The following ASF1A variants were observed in gnomAD, a reference collection of about 807,000 sequenced individuals.
ASF1A encodes the protein anti-silencing function 1A histone chaperone.
ASF1A carries 5 observed loss-of-function variants against 22.0 expected under a neutral mutation model. The observed-to-expected ratio is 0.23, with a 90% CI of 0.12 to 0.48. ASF1A has a LOEUF of 0.48. ASF1A is among the 20% of genes least tolerant of loss of function. The pLI is 0.99. For synonymous variants in ASF1A, 97 were observed against 86.7 expected (o/e 1.12, Z -0.66); for missense variants, 137 against 240.6 (o/e 0.57, Z 2.85).
At position 118,897,841 on chromosome 6, in the gene ASF1A, C is replaced by A. The variant is rs189332710; in HGVS notation, c.110-2925C>A. Among the ~76,000 whole-genome samples, 1,145 of 150,908 alleles carry A rather than the reference C, an allele frequency of 7.6e-3. 8 individuals are homozygous for A. Among genetic ancestry groups the A allele is most frequent in the South Asian group, 0.028 (135 of 4,770 alleles). On this transcript the variant is annotated intron_variant, in intron 1 of 3. Transcript: ENST00000229595. ...AAAGCTGGGTTAAAAAAAAAAACAA[C>A]AAAAAAACTGATGCCAATGTATAAA...
intron 1 of ASF1A, among the ~76,000 whole-genome samples, chr6:118,897,992 T>C (rs1779550310): frequency 6.6e-6 from 1 of 152,226 alleles, no homozygotes; most frequent in African/African-American, 2.4e-5. Flanking sequence ...CCATCTCCTC[T>C]GCTCTCACTT....
intron 2 of ASF1A, 81 bp from the exon 3 acceptor site, chr6:118,905,571 T>A: frequency 8.8e-7 from 1 of 1,137,648 alleles, no homozygotes; most frequent in Non-Finnish European, 1.2e-6. Flanking sequence ...CTGATGGTTC[T>A]AGGTAACTGA....
rs1779174316 is a variant in ASF1A, at chr6:118,894,173, G to A, written c.-241G>A. 2.4e-6 allele frequency: 3 copies of A among 1,275,420 alleles called. No homozygotes were observed. The highest frequency in any genetic ancestry group is 6.6e-5 in the East Asian group (2 of 30,280). 79.0% of individuals were successfully genotyped at this position (1,275,420 alleles called of 1,614,324 possible). Reference sequence around the variant, plus strand: ...GGTCAGAACTCGGGTGCAGCCAATCGAGGGCAACGCTGCTACTTATCAGAG... The same window carrying A: ...GGTCAGAACTCGGGTGCAGCCAATCAAGGGCAACGCTGCTACTTATCAGAG... On this transcript the variant is annotated 5_prime_UTR_variant, in exon 1 of 4. Transcript: ENST00000229595.
Position 118,894,342 on chromosome 6 carries a change from G to A in ASF1A, c.-72G>A. On this transcript the variant is annotated 5_prime_UTR_variant, in exon 1 of 4. Coordinates refer to ENST00000229595, the MANE Select transcript of ASF1A (RefSeq NM_014034.3). ...CTGGAGCGGGGGTCTGCGCTCTCCC[G>A]AGCGGCCGCGCGCTGGACTTTATTG... 6.5e-7 allele frequency: 1 copy of A among 1,531,000 alleles called. No individual in the cohort carries two copies. Among genetic ancestry groups the A allele is most frequent in the Non-Finnish European group, 8.8e-7 (1 of 1,142,396 alleles). 94.8% of individuals were successfully genotyped at this position (1,531,000 alleles called of 1,614,324 possible). A position where few individuals can be genotyped will look rare whatever the true frequency, so the allele number is the denominator to read the frequency against.
In ASF1A at chr6:118,908,354, C is replaced by T. The variant is rs949616483; in HGVS notation, c.*740C>T. 3.9e-5 allele frequency: 6 copies of T among 151,976 alleles called. No homozygotes were observed. The highest frequency in any genetic ancestry group is 1.4e-4 in the African/African-American group (6 of 41,384). The allele number at this position is 151,976 out of a possible 1,614,324, so 9.4% of individuals were successfully genotyped here. A position where few individuals can be genotyped will look rare whatever the true frequency, so the allele number is the denominator to read the frequency against. On this transcript the variant is annotated 3_prime_UTR_variant, in exon 4 of 4. Coordinates refer to ENST00000229595, the MANE Select transcript of ASF1A (RefSeq NM_014034.3). Reference sequence around the variant, plus strand: ...GTGAATTCAAGACCAAATACAATATCGGGAGAAAATACAAACTCCCTGTGT... The same window carrying T: ...GTGAATTCAAGACCAAATACAATATTGGGAGAAAATACAAACTCCCTGTGT...
At position 118,902,316 on chromosome 6, in the gene ASF1A, TA is replaced by T. The variant is rs148488256; in HGVS notation, c.225+1439del. Among the ~76,000 whole-genome samples the T allele has an allele frequency of 6.5e-3, 993 of 152,258 alleles. 7 individuals carry two copies. Among genetic ancestry groups the T allele is most frequent in the African/African-American group, 0.022 (924 of 41,562 alleles). ...AAATGTGGATAATATTCTATCTCAT[TA>T]AAATGTTATGGGGAATAAAACAGTA... On this transcript the variant is annotated intron_variant, in intron 2 of 3. Coordinates refer to ENST00000229595, the MANE Select transcript of ASF1A (RefSeq NM_014034.3).
At chr6:118,894,870 C>T (rs1779251613) in intron 1 of ASF1A, among the ~76,000 whole-genome samples, 1 of 152,154 alleles carries the variant, frequency 6.6e-6, no homozygotes, top group Non-Finnish European at 1.5e-5. Context: ...CCAACAGCCT[C>T]CGCGACCCTC....
intron 1 of ASF1A, 150 bp downstream of exon 1, chr6:118,894,672 G>C (rs533485421): frequency 1.5e-6 from 1 of 682,886 alleles, no homozygotes; most frequent in Non-Finnish European, 2.4e-6. Context: ...GATGGACGAC[G>C]GCCGCCGAGG....
At position 118,894,494 on chromosome 6, in the gene ASF1A, C is replaced by T. The variant is rs1779204368; in HGVS notation, c.81C>T (p.Thr27=). 6.5e-7 allele frequency: 1 copy of T among 1,537,068 alleles called. No individual in the cohort carries two copies. Among genetic ancestry groups the T allele is most frequent in the South Asian group, 1.2e-5 (1 of 84,072 alleles). The change falls in exon 1 of 4, where the codon ACC becomes ACT. Residue 27 remains threonine (T), a synonymous_variant. Coordinates refer to ENST00000229595, the MANE Select transcript of ASF1A (RefSeq NM_014034.3). ...PFYNPFQFEI[T]FECIEDLSED... ...ACAACCCGTTCCAGTTCGAGATCAC[C>T]TTCGAGTGCATCGAGGACCTGTCTG...
chr6:118,895,968 ACAGTTCT>A (rs1779373888), intron 1 of ASF1A, among the ~76,000 whole-genome samples: 1 of 151,986 alleles, frequency 6.6e-6, no homozygotes, highest in South Asian at 2.1e-4. Flanking sequence ...TATAAAGTTA[ACAGTTCT>A]CTGTACTCAG....
chr6:118,900,993 C>T, intron 2 of ASF1A, 112 bp downstream of exon 2: 1 of 729,194 alleles, frequency 1.4e-6, no homozygotes, highest in Non-Finnish European at 2.4e-6. Context: ...ACTGCTTCTG[C>T]TGCATTCACT....
chr6:118,899,929 C>A (rs528657122), intron 1 of ASF1A, among the ~76,000 whole-genome samples: 62 of 152,340 alleles, frequency 4.1e-4, no homozygotes, highest in African/African-American at 1.5e-3. Context: ...ACAAAGTTAT[C>A]TTCTTCCTCA....
intron 1 of ASF1A, among the ~76,000 whole-genome samples, chr6:118,899,819 T>C (rs992274961): frequency 6.6e-6 from 1 of 152,216 alleles, no homozygotes; most frequent in Non-Finnish European, 1.5e-5. Context: ...ACTCACCCTT[T>C]GGGAGTGCTT....
chr6:118,904,423 G>A (rs577348531), intron 2 of ASF1A, among the ~76,000 whole-genome samples: 1 of 152,298 alleles, frequency 6.6e-6, no homozygotes, highest in South Asian at 2.1e-4. Context: ...ATTCCTTGGT[G>A]CCCTGGCAAC....
chr6:118,901,730 TA>T (rs2114525537), intron 2 of ASF1A, among the ~76,000 whole-genome samples: 1 of 152,362 alleles, frequency 6.6e-6, no homozygotes, highest in African/African-American at 2.4e-5. Flanking sequence ...ATAGGTTTTT[TA>T]AAACTACTAT....
rs1779199797 is a variant in ASF1A, at chr6:118,894,402, T to G, written c.-12T>G. On this transcript the variant is annotated 5_prime_UTR_variant, in exon 1 of 4. Transcript: ENST00000229595. Reference sequence around the variant, plus strand: ...CAGCCCCAGTTCCCATTGTTTGTGTTTTTTTCAAAATATGGCAAAGGTTCA... The same window carrying G: ...CAGCCCCAGTTCCCATTGTTTGTGTGTTTTTCAAAATATGGCAAAGGTTCA... 1.3e-6 allele frequency: 2 copies of G among 1,536,964 alleles called. No homozygotes were observed. Among genetic ancestry groups the G allele is most frequent in the African/African-American group, 1.4e-5 (1 of 73,142 alleles).
chr6:118,904,392 T>C (rs75993559), intron 2 of ASF1A, among the ~76,000 whole-genome samples: 2,253 of 152,302 alleles, frequency 0.015, 34 homozygotes, highest in Middle Eastern at 0.048. Context: ...TTGGCTAAAG[T>C]GCTCATCTAG....
Position 118,894,333 on chromosome 6 carries a change from C to T in ASF1A, c.-81C>T. 6.5e-7 allele frequency: 1 copy of T among 1,528,236 alleles called. No individual in the cohort carries two copies. The highest frequency in any genetic ancestry group is 2.5e-5 in the East Asian group (1 of 40,790). 94.7% of individuals were successfully genotyped at this position (1,528,236 alleles called of 1,614,324 possible). A position where few individuals can be genotyped will look rare whatever the true frequency, so the allele number is the denominator to read the frequency against. On this transcript the variant is annotated 5_prime_UTR_variant, in exon 1 of 4. Transcript: ENST00000229595. The stretch of plus-strand genomic sequence containing the variant: ...TGGCCGGCGCTGGAGCGGGGGTCTG[C>T]GCTCTCCCGAGCGGCCGCGCGCTGG...
chr6:118,894,175 G>C lies in ASF1A; in HGVS notation c.-239G>C, dbSNP rs1779174494. 7.8e-7 allele frequency: 1 copy of C among 1,285,990 alleles called. No individual in the cohort carries two copies. The highest frequency in any genetic ancestry group is 9.9e-7 in the Non-Finnish European group (1 of 1,013,280). 79.7% of individuals were successfully genotyped at this position (1,285,990 alleles called of 1,614,324 possible). A position where few individuals can be genotyped will look rare whatever the true frequency, so the allele number is the denominator to read the frequency against. ...TCAGAACTCGGGTGCAGCCAATCGA[G>C]GGCAACGCTGCTACTTATCAGAGCA... On this transcript the variant is annotated 5_prime_UTR_variant, in exon 1 of 4. Transcript: ENST00000229595.
Sources: gnomAD v4.1 joint callset for allele counts (sites outside exome capture counted in the v4.1 genomes callset) on GRCh38, gnomAD v4.1.1 for gene constraint, MANE v1.5 for transcripts, NCBI Gene and HGNC (gene_info 2026-07-23, HGNC 2026-07-21) for gene names.